Variants in RIT2 observed in about 807,000 individuals in gnomAD.
RIT2 encodes GTP-binding protein Rit2.
A neutral mutation model predicts 23.7 loss-of-function variants in RIT2; 24 were observed. The observed-to-expected ratio is 1.01, with a 90% CI of 0.73 to 1.43. The LOEUF is 1.43. Ranked by LOEUF, RIT2 falls within the 40% of genes most tolerant of loss-of-function variation. RIT2 has a pLI of 0.00. For missense variants in RIT2, 236 were observed against 266.9 expected (o/e 0.88, Z 0.81); for synonymous variants, 107 against 91.1 (o/e 1.17, Z -0.99).
At position 43,069,489 on chromosome 18, in the gene RIT2, C is replaced by T. The variant is rs370258333; in HGVS notation, c.104-35622G>A. ...TGTTATCTCTATTAATTTGGAAATA[C>T]GATGTTATCATCATCTCTTTAATTC... On this transcript the variant is annotated intron_variant, in intron 1 of 4. Coordinates refer to ENST00000326695, the MANE Select transcript of RIT2 (RefSeq NM_002930.4). Among the ~76,000 whole-genome samples, 9 of 152,238 alleles carry T rather than the reference C, an allele frequency of 5.9e-5. No homozygotes were observed. The South Asian group carries it at 6.2e-4, about 11-fold the overall frequency.
At chr18:42,886,566 T>A (rs1908028076) in intron 4 of RIT2, among the ~76,000 whole-genome samples, 1 of 152,192 alleles carries the variant, frequency 6.6e-6, no homozygotes, top group East Asian at 1.9e-4. Context: ...CGGGTGTAAA[T>A]CTTAGAAAAG....
At chr18:42,837,264 C>A (rs1316661532) in intron 4 of RIT2, among the ~76,000 whole-genome samples, 1 of 139,266 alleles carries the variant, frequency 7.2e-6, no homozygotes, top group Non-Finnish European at 1.5e-5. Context: ...AGCTCCCGGG[C>A]TCACGCCATT....
chr18:43,001,466 G>A (rs1386261861), intron 2 of RIT2, among the ~76,000 whole-genome samples: 1 of 152,120 alleles, frequency 6.6e-6, no homozygotes, highest in Non-Finnish European at 1.5e-5. Flanking sequence ...TTGAAAGAAA[G>A]TGAGTGCCGA....
chr18:42,799,257 AAG>A (rs143712392), intron 4 of RIT2, among the ~76,000 whole-genome samples: 143 of 152,312 alleles, frequency 9.4e-4, no homozygotes, highest in African/African-American at 3.4e-3. Flanking sequence ...AAGTAGCTAA[AAG>A]AGTGTTACAG....
chr18:42,832,878 C>A (rs1906498698), intron 4 of RIT2, among the ~76,000 whole-genome samples: 1 of 151,740 alleles, frequency 6.6e-6, no homozygotes, highest in South Asian at 2.1e-4. Flanking sequence ...CAAGGCGAAA[C>A]CCCGTCTCTA....
chr18:42,743,388 AAG>A lies in RIT2; in HGVS notation c.*103_*104del, dbSNP rs1404026331. 4.9e-6 allele frequency: 4 copies of A among 822,048 alleles called. No homozygotes were observed. The highest frequency in any genetic ancestry group is 7.8e-6 in the Non-Finnish European group (4 of 509,656). The allele number at this position is 822,048 out of a possible 1,614,324, so 50.9% of individuals were successfully genotyped here. A position where few individuals can be genotyped will look rare whatever the true frequency, so the allele number is the denominator to read the frequency against. ...GCTTTTACCTACAGGCAGATATTTA[AAG>A]AGAGAGAGACACATAGAGAGATAAT... On this transcript the variant is annotated 3_prime_UTR_variant, in exon 5 of 5. Coordinates refer to ENST00000326695, the MANE Select transcript of RIT2 (RefSeq NM_002930.4).
rs574446137 is a variant in RIT2 at position 43,087,021 on chromosome 18, G to A, written c.103+28396C>T. Reference sequence around the variant, plus strand: ...TCATAGCCCTTTGGGAGGCTCAGGCGGGTGAGTCACTTGAGGCTAGGAGCT... The same window carrying A: ...TCATAGCCCTTTGGGAGGCTCAGGCAGGTGAGTCACTTGAGGCTAGGAGCT... On this transcript the variant is annotated intron_variant, in intron 1 of 4. Coordinates refer to ENST00000326695, the MANE Select transcript of RIT2 (RefSeq NM_002930.4). Among the ~76,000 whole-genome samples the A allele has an allele frequency of 3.4e-4, 52 of 152,144 alleles. No individual in the cohort carries two copies. The South Asian group carries it at 7.7e-3, about 22-fold the overall frequency.
At chr18:42,805,498 A>T (rs1352878660) in intron 4 of RIT2, among the ~76,000 whole-genome samples, 1 of 152,222 alleles carries the variant, frequency 6.6e-6, no homozygotes, top group Non-Finnish European at 1.5e-5. Flanking sequence ...TCTAATGTAG[A>T]ATCTAAAATC....
intron 2 of RIT2, among the ~76,000 whole-genome samples, chr18:43,010,017 G>A (rs898372986): frequency 2.6e-5 from 4 of 151,874 alleles, no homozygotes; most frequent in African/African-American, 9.6e-5. Flanking sequence ...TTGTTCATTT[G>A]TTCCAGAAAA....
chr18:42,931,386 C>G (rs907489178), intron 3 of RIT2, among the ~76,000 whole-genome samples: 1 of 152,054 alleles, frequency 6.6e-6, no homozygotes, highest in Non-Finnish European at 1.5e-5. Flanking sequence ...TTTAGATAAG[C>G]CTATATCCCA....
chr18:42,751,830 T>G (rs1913053608), intron 4 of RIT2, among the ~76,000 whole-genome samples: 1 of 152,058 alleles, frequency 6.6e-6, no homozygotes, highest in Non-Finnish European at 1.5e-5. Context: ...TTTCTATATT[T>G]CCTTAAAAAT....
chr18:42,979,641 C>T (rs1910552249), intron 2 of RIT2, among the ~76,000 whole-genome samples: 1 of 152,110 alleles, frequency 6.6e-6, no homozygotes, highest in South Asian at 2.1e-4. Flanking sequence ...TACTGTGCTG[C>T]ACACTTTTTC....
At chr18:42,978,371 C>T (rs540255184) in intron 2 of RIT2, among the ~76,000 whole-genome samples, 11 of 151,532 alleles carry the variant, frequency 7.3e-5, no homozygotes, top group African/African-American at 2.4e-4. Context: ...GAATCTAGGT[C>T]ACCTGCCTGG....
At chr18:43,015,721 C>T (rs1384591849) in intron 2 of RIT2, among the ~76,000 whole-genome samples, 2 of 151,514 alleles carry the variant, frequency 1.3e-5, no homozygotes, top group Non-Finnish European at 3.0e-5. Flanking sequence ...AGAGCAGTGC[C>T]TGAAAATAAG....
chr18:42,855,904 G>A (rs1024824791), intron 4 of RIT2, among the ~76,000 whole-genome samples: 1 of 152,080 alleles, frequency 6.6e-6, no homozygotes, highest in Admixed American at 6.5e-5. Context: ...TGAAATTTTA[G>A]TATTTTTTTT....
intron 1 of RIT2, among the ~76,000 whole-genome samples, chr18:43,113,019 T>G (rs1913989022): frequency 6.6e-6 from 1 of 152,106 alleles, no homozygotes; most frequent in Admixed American, 6.6e-5. Flanking sequence ...GAAAAGTAGG[T>G]TTTAAAACGT....
intron 1 of RIT2, among the ~76,000 whole-genome samples, chr18:43,077,358 C>A (rs1020074941): frequency 6.6e-6 from 1 of 152,078 alleles, no homozygotes; most frequent in African/African-American, 2.4e-5. Flanking sequence ...CATTCAAACT[C>A]CCAACTGGGG....
chr18:43,011,228 A>G (rs952539327), intron 2 of RIT2, among the ~76,000 whole-genome samples: 1 of 151,800 alleles, frequency 6.6e-6, no homozygotes, highest in Non-Finnish European at 1.5e-5. Flanking sequence ...AGGAGCAGGA[A>G]GGTGATACTG....
intron 4 of RIT2, among the ~76,000 whole-genome samples, chr18:42,815,934 T>G (rs1905984747): frequency 6.6e-6 from 1 of 152,160 alleles, no homozygotes; most frequent in Non-Finnish European, 1.5e-5. Context: ...AGACTATACA[T>G]GTTGAAAACG....
Sources: gnomAD v4.1 joint callset for allele counts (sites outside exome capture counted in the v4.1 genomes callset) on GRCh38, gnomAD v4.1.1 for gene constraint, MANE v1.5 for transcripts, NCBI Gene and HGNC (gene_info 2026-07-23, HGNC 2026-07-21) for gene names.